Variants in DOCK5 observed in about 807,000 individuals in gnomAD.
DOCK5 encodes dedicator of cytokinesis 5.
Under a neutral mutation model 251.8 loss-of-function variants are expected in DOCK5, and 142 were observed. That is an observed-to-expected ratio of 0.56 (90% CI 0.49 to 0.65). The LOEUF is 0.65. Ranked by LOEUF, DOCK5 falls within the 30% of genes least tolerant of loss-of-function variation. DOCK5 has a pLI of 0.00. For synonymous variants in DOCK5, 842 were observed against 835.5 expected (o/e 1.01, Z -0.13); for missense variants, 2,111 against 2,312.3 (o/e 0.91, Z 1.79).
At chr8:25,324,090 AG>A in intron 17 of DOCK5, 139 bp downstream of exon 17, 1 of 977,386 alleles carries the variant, frequency 1.0e-6, no homozygotes, top group South Asian at 1.7e-5. Flanking sequence ...AGAAACCCAG[AG>A]GGCTCTGGGC....
chr8:25,278,844 C>T (rs571746309), intron 5 of DOCK5, among the ~76,000 whole-genome samples, 179 bp downstream of exon 5: 40 of 152,240 alleles, frequency 2.6e-4, no homozygotes, highest in Non-Finnish European at 5.4e-4. Flanking sequence ...TCACTGATAG[C>T]GGGTAGTGGA....
chr8:25,190,125 G>A (rs1018000096), intron 1 of DOCK5, among the ~76,000 whole-genome samples: 1 of 151,708 alleles, frequency 6.6e-6, no homozygotes, highest in South Asian at 2.1e-4. Flanking sequence ...GACTTCATGT[G>A]ATGTGCCCGC....
Position 25,410,147 on chromosome 8 carries a change from C to G in DOCK5, c.5453C>G (p.Pro1818Arg). The G allele has an allele frequency of 6.2e-7, 1 of 1,613,658 alleles. No homozygotes were observed. Among genetic ancestry groups the G allele is most frequent in the Non-Finnish European group, 8.5e-7 (1 of 1,179,812 alleles). Residue 1818 changes from proline (P) to arginine (R), a missense_variant, in exon 51 of 52, where the codon CCT (proline) becomes CGT (arginine). Physicochemically the swap from Pro to Arg is moderately radical, Grantham distance 103. Coordinates refer to ENST00000276440, the MANE Select transcript of DOCK5 (RefSeq NM_024940.8). ...GGAATCGCGGCCACTCCTGTCCCAC[C>G]TCCACCTCCCCCCAAAAGCAAGCCC... ...TDGIAATPVP[P>R]PPPPKSKPYE...
At chr8:25,309,571 T>C (rs1805037326) in intron 12 of DOCK5, among the ~76,000 whole-genome samples, 1 of 152,198 alleles carries the variant, frequency 6.6e-6, no homozygotes, top group South Asian at 2.1e-4. Flanking sequence ...ATCACATTTT[T>C]TAAAATTGAG....
At chr8:25,268,749 C>T in intron 2 of DOCK5, 96 bp from the exon 3 acceptor site, 1 of 997,932 alleles carries the variant, frequency 1.0e-6, no homozygotes, top group Non-Finnish European at 1.5e-6. Flanking sequence ...TGTTGTATCC[C>T]AGTATTGCTA....
intron 14 of DOCK5, 124 bp from the exon 15 acceptor site, chr8:25,319,454 A>G (rs1805361106): frequency 5.3e-6 from 3 of 565,370 alleles, no homozygotes; most frequent in Admixed American, 3.2e-5. Flanking sequence ...TAATCAGCCG[A>G]TCAGTGCCAG....
At chr8:25,280,804 C>T (rs1182873827) in intron 5 of DOCK5, among the ~76,000 whole-genome samples, 1 of 152,102 alleles carries the variant, frequency 6.6e-6, no homozygotes, top group African/African-American at 2.4e-5. Flanking sequence ...TCATCTTGCA[C>T]TTATATTGAG....
intron 1 of DOCK5, among the ~76,000 whole-genome samples, chr8:25,202,599 A>G (rs957440884): frequency 1.3e-5 from 2 of 152,150 alleles, no homozygotes; most frequent in Admixed American, 6.6e-5. Flanking sequence ...GCTGGGCTGG[A>G]TGGTGGTGAG....
intron 7 of DOCK5, among the ~76,000 whole-genome samples, chr8:25,298,079 C>A (rs1804665827): frequency 2.1e-5 from 3 of 145,100 alleles, no homozygotes; most frequent in Non-Finnish European, 1.5e-5. Context: ...AAAAAAAAAA[C>A]TTACTCATAT....
intron 45 of DOCK5, among the ~76,000 whole-genome samples, chr8:25,396,763 CGTGTGT>C (rs5890230): frequency 0.033 from 4,806 of 146,812 alleles, 101 homozygotes; most frequent in South Asian, 0.069. Flanking sequence ...CTCTTGTGTC[CGTGTGT>C]GTGTGTGTGT....
intron 42 of DOCK5, among the ~76,000 whole-genome samples, chr8:25,391,542 G>A (rs1157769215): frequency 6.6e-6 from 1 of 152,096 alleles, no homozygotes; most frequent in Non-Finnish European, 1.5e-5. Flanking sequence ...GGTGGCTGAG[G>A]TAGGAGAATC....
intron 37 of DOCK5, among the ~76,000 whole-genome samples, chr8:25,377,054 G>A (rs538973741): frequency 2.0e-5 from 3 of 152,108 alleles, no homozygotes; most frequent in Non-Finnish European, 4.4e-5. Flanking sequence ...CCAGTACAAC[G>A]ACAGTCATGT....
rs184911489 is a variant in DOCK5 at position 25,208,302 on chromosome 8, A to G, written c.43+23351A>G. Among the ~76,000 whole-genome samples, 186 of 152,354 alleles carry G rather than the reference A, an allele frequency of 1.2e-3. 4 individuals carry two copies. Among genetic ancestry groups the G allele is most frequent in the Admixed American group, 0.012 (181 of 15,310 alleles). On this transcript the variant is annotated intron_variant, in intron 1 of 51. Coordinates refer to ENST00000276440, the MANE Select transcript of DOCK5 (RefSeq NM_024940.8). ...TAAACTTGTTGACAAAGCAGTGGAAAGGTTTGAGAGGATTGACTCCAAATT... is the reference window on the plus strand; with the variant it reads ...TAAACTTGTTGACAAAGCAGTGGAAGGGTTTGAGAGGATTGACTCCAAATT...
intron 11 of DOCK5, among the ~76,000 whole-genome samples, chr8:25,307,641 G>T (rs1034988648): frequency 6.6e-6 from 1 of 152,142 alleles, no homozygotes; most frequent in East Asian, 1.9e-4. Flanking sequence ...TTTGCTGGTG[G>T]TGATGTGCCT....
intron 16 of DOCK5, among the ~76,000 whole-genome samples, chr8:25,323,014 T>C (rs1020861062): frequency 6.6e-6 from 1 of 152,172 alleles, no homozygotes; most frequent in Non-Finnish European, 1.5e-5. Flanking sequence ...GGATGACTAC[T>C]CCACCACTGT....
At chr8:25,386,106 T>C (rs1461748317) in intron 40 of DOCK5, among the ~76,000 whole-genome samples, 1 of 152,172 alleles carries the variant, frequency 6.6e-6, no homozygotes, top group Non-Finnish European at 1.5e-5. Flanking sequence ...AGTTTGGTTT[T>C]GCACGTACTC....
chr8:25,367,116 G>C (rs780353365), intron 31 of DOCK5, 146 bp downstream of exon 31: 4 of 689,088 alleles, frequency 5.8e-6, no homozygotes, highest in Non-Finnish European at 1.0e-5. Context: ...TACTTAATAG[G>C]CCTCACATTC....
intron 2 of DOCK5, among the ~76,000 whole-genome samples, chr8:25,264,284 C>T (rs935194665): frequency 6.6e-6 from 1 of 151,548 alleles, no homozygotes; most frequent in African/African-American, 2.4e-5. Flanking sequence ...GAGGTGGGAT[C>T]CATGGAGCTG....
intron 11 of DOCK5, among the ~76,000 whole-genome samples, chr8:25,308,416 C>T (rs569318711): frequency 2.6e-5 from 4 of 152,100 alleles, no homozygotes; most frequent in African/African-American, 9.7e-5. Flanking sequence ...AGCTCACTAT[C>T]AAGCAGAAGT....
Sources: allele counts gnomAD v4.1 joint callset (sites outside exome capture counted in the v4.1 genomes callset), GRCh38; gene constraint gnomAD v4.1.1; transcripts MANE v1.5; gene names NCBI Gene and HGNC (gene_info 2026-07-23, HGNC 2026-07-21).